EDIL3: variants seen among roughly 807,000 people sequenced by gnomAD.
EDIL3 encodes EGF like and discoidin domains 3.
In EDIL3, 37 loss-of-function variants were observed where a neutral mutation model predicts 67.4. That is an observed-to-expected ratio of 0.55 (90% CI 0.42 to 0.72). The LOEUF (loss-of-function observed/expected upper bound fraction) is 0.72. EDIL3 is among the 30% of genes least tolerant of loss of function. The pLI, the probability that EDIL3 is intolerant of heterozygous loss-of-function variation, is 0.00. For synonymous variants in EDIL3, 195 were observed against 196.3 expected, an observed-to-expected ratio of 0.99 and a Z score of 0.05; for missense variants, 527 against 586.3, an observed-to-expected ratio of 0.90 and a Z score of 1.04.
At chr5:84,343,006 C>T (rs1480126150) in intron 1 of EDIL3, among the ~76,000 whole-genome samples, 2 of 152,052 alleles carry the variant, frequency 1.3e-5, no homozygotes, top group Non-Finnish European at 2.9e-5. Context: ...CATTTGTAAT[C>T]AAGTTTTCTT....
chr5:84,234,144 A>T (rs1744635434), intron 2 of EDIL3, among the ~76,000 whole-genome samples: 1 of 152,230 alleles, frequency 6.6e-6, no homozygotes, highest in East Asian at 1.9e-4. Context: ...GGCAGCTGAG[A>T]CCAGAAGTAC....
At chr5:84,333,107 A>G (rs1746909479) in intron 1 of EDIL3, among the ~76,000 whole-genome samples, 2 of 152,168 alleles carry the variant, frequency 1.3e-5, no homozygotes, top group Admixed American at 6.5e-5. Context: ...CCTTTCATAA[A>G]GAACTAAAAG....
chr5:84,067,538 G>T (rs1304729137), intron 6 of EDIL3, among the ~76,000 whole-genome samples: 1 of 151,804 alleles, frequency 6.6e-6, no homozygotes, highest in Non-Finnish European at 1.5e-5. Flanking sequence ...AATATAAATT[G>T]GAAAAATTTA....
intron 4 of EDIL3, among the ~76,000 whole-genome samples, chr5:84,153,319 T>C (rs748353598): frequency 1.3e-5 from 2 of 152,116 alleles, no homozygotes; most frequent in East Asian, 1.9e-4. Context: ...TTTTTTGAGA[T>C]GGAGTCTCAT....
At chr5:84,368,665 T>C (rs2112209435) in intron 1 of EDIL3, among the ~76,000 whole-genome samples, 1 of 151,932 alleles carries the variant, frequency 6.6e-6, no homozygotes, top group East Asian at 1.9e-4. Context: ...TATATCCAAA[T>C]AAACTACCAC....
chr5:84,272,599 C>T (rs1490897430), intron 1 of EDIL3, among the ~76,000 whole-genome samples: 1 of 152,034 alleles, frequency 6.6e-6, no homozygotes, highest in East Asian at 1.9e-4. Flanking sequence ...ATCAGCATTT[C>T]ACAAGTGAGA....
intron 6 of EDIL3, among the ~76,000 whole-genome samples, chr5:84,085,589 G>T (rs1187075956): frequency 6.6e-6 from 1 of 152,170 alleles, no homozygotes; most frequent in East Asian, 1.9e-4. Context: ...GCCAGCCAGA[G>T]CTCTCCTGTA....
chr5:84,295,694 T>C (rs1746036974), intron 1 of EDIL3, among the ~76,000 whole-genome samples: 1 of 152,114 alleles, frequency 6.6e-6, no homozygotes, highest in South Asian at 2.1e-4. Flanking sequence ...CCTAAACAAC[T>C]TGCAACTTAA....
chr5:84,092,494 C>T (rs1169486504), intron 6 of EDIL3, among the ~76,000 whole-genome samples: 2 of 152,076 alleles, frequency 1.3e-5, no homozygotes, highest in African/African-American at 4.8e-5. Flanking sequence ...CTAGTAGATG[C>T]TAAAAACTGT....
At chr5:83,944,561 A>G (rs1744280223) in intron 10 of EDIL3, among the ~76,000 whole-genome samples, 1 of 151,832 alleles carries the variant, frequency 6.6e-6, no homozygotes, top group Non-Finnish European at 1.5e-5. Flanking sequence ...ATGTTGGGGT[A>G]AACTGAGGTA....
At chr5:84,229,203 A>T (rs1233205208) in intron 3 of EDIL3, among the ~76,000 whole-genome samples, 1 of 152,048 alleles carries the variant, frequency 6.6e-6, no homozygotes, top group Non-Finnish European at 1.5e-5. Context: ...CTGTCCTGGA[A>T]CCATGTGGAA....
rs1190895195 is a variant in EDIL3, at chr5:84,064,934, T to C, written c.808-90A>G. 7.4e-5 allele frequency: 105 copies of C among 1,410,638 alleles called. No homozygotes were observed. In the South Asian group the frequency reaches 1.7e-3, roughly 22 times the overall value. The allele number at this position is 1,410,638 out of a possible 1,614,324, so 87.4% of individuals were successfully genotyped here. Reference sequence around the variant, plus strand: ...CCTATCTATACCTTATCGAAAATAATTGTTCGAAGAACAGATTACATTATT... The same window carrying C: ...CCTATCTATACCTTATCGAAAATAACTGTTCGAAGAACAGATTACATTATT... On this transcript the variant is annotated intron_variant, in intron 7 of 10. Coordinates refer to ENST00000296591, the MANE Select transcript of EDIL3 (RefSeq NM_005711.5).
Position 84,036,611 on chromosome 5 carries a change from A to G in EDIL3, c.1137+23689T>C, listed in dbSNP as rs556595717. Among the ~76,000 whole-genome samples, 22 of 152,220 alleles carry G rather than the reference A, an allele frequency of 1.4e-4. 1 individual carries two copies. The highest frequency in any genetic ancestry group is 4.8e-4 in the African/African-American group (20 of 41,548). On this transcript the variant is annotated intron_variant, in intron 9 of 10. Coordinates refer to ENST00000296591, the MANE Select transcript of EDIL3 (RefSeq NM_005711.5). ...TGCCAACAAACCTCAAGCAGGTGGGAATTTTAAGAAGTCCCGCATTGAGCA... is the reference window on the plus strand; with the variant it reads ...TGCCAACAAACCTCAAGCAGGTGGGGATTTTAAGAAGTCCCGCATTGAGCA...
At chr5:84,087,239 T>C (rs902203672) in intron 6 of EDIL3, among the ~76,000 whole-genome samples, 5 of 152,356 alleles carry the variant, frequency 3.3e-5, no homozygotes, top group African/African-American at 1.2e-4. Flanking sequence ...AATACATGAC[T>C]AAACATCCTT....
chr5:84,372,771 G>C (rs988341775), intron 1 of EDIL3, among the ~76,000 whole-genome samples: 2 of 152,136 alleles, frequency 1.3e-5, no homozygotes, highest in Non-Finnish European at 2.9e-5. Context: ...GCCTTAGGTT[G>C]TTGTGGGTTT....
intron 1 of EDIL3, among the ~76,000 whole-genome samples, chr5:84,270,185 T>A (rs1298102922): frequency 1.3e-5 from 2 of 152,160 alleles, no homozygotes; most frequent in Non-Finnish European, 2.9e-5. Flanking sequence ...AAATTTAATT[T>A]AAAAACTCAC....
At chr5:84,064,388 C>T (rs1362197769) in intron 8 of EDIL3, among the ~76,000 whole-genome samples, 2 of 152,086 alleles carry the variant, frequency 1.3e-5, no homozygotes, top group African/African-American at 2.4e-5. Context: ...AAACATAGAT[C>T]ACAGTTATTA....
intron 3 of EDIL3, among the ~76,000 whole-genome samples, chr5:84,203,960 A>G (rs1424465431): frequency 6.6e-6 from 1 of 152,204 alleles, no homozygotes; most frequent in South Asian, 2.1e-4. Flanking sequence ...GTTCTTGCAG[A>G]TACTGATTCT....
At chr5:84,239,767 C>T (rs1420556301) in intron 2 of EDIL3, among the ~76,000 whole-genome samples, 2 of 152,168 alleles carry the variant, frequency 1.3e-5, no homozygotes, top group Non-Finnish European at 2.9e-5. Context: ...AAAGAAAAGC[C>T]TTAAAGACAT....
Sources: gnomAD v4.1 joint callset for allele counts (sites outside exome capture counted in the v4.1 genomes callset) on GRCh38, gnomAD v4.1.1 for gene constraint, MANE v1.5 for transcripts, NCBI Gene and HGNC (gene_info 2026-07-23, HGNC 2026-07-21) for gene names.